The following RALY variants were observed in gnomAD, a reference collection of about 807,000 sequenced individuals.
The protein encoded by RALY is RNA-binding protein Raly.
In RALY, 15 loss-of-function variants were observed where a neutral mutation model predicts 30.7. The ratio of observed to expected loss-of-function variants is 0.49; its 90% CI spans 0.33 to 0.75. The LOEUF (loss-of-function observed/expected upper bound fraction) is 0.75, where lower values mean the gene tolerates loss of function less well. Ranked by LOEUF, RALY falls within the 30% of genes least tolerant of loss-of-function variation. RALY has a pLI of 0.02. For synonymous variants in RALY, 177 were observed against 170.8 expected, an observed-to-expected ratio of 1.04 and a Z score of -0.28; for missense variants, 339 against 414.3, an observed-to-expected ratio of 0.82 and a Z score of 1.58.
intron 1 of RALY, among the ~76,000 whole-genome samples, chr20:34,023,561 T>G (rs577765074): frequency 4.6e-5 from 7 of 152,178 alleles, no homozygotes; most frequent in Non-Finnish European, 8.8e-5. Flanking sequence ...GGATTTTGAG[T>G]TGGGCTTTAG....
At position 34,005,067 on chromosome 20, in the gene RALY, A is replaced by G. The variant is rs189592639; in HGVS notation, c.-93+10936A>G. Among the ~76,000 whole-genome samples, 386 of 152,254 alleles carry G rather than the reference A, an allele frequency of 2.5e-3. 3 individuals carry two copies. The highest frequency in any genetic ancestry group is 8.5e-3 in the African/African-American group (354 of 41,532). ...GCCCTGCCTCCTTCCAGAGAGCAGC[A>G]TTTTCATGTTAAACATTAGTCAGCT... On this transcript the variant is annotated intron_variant, in intron 1 of 9. Transcript: ENST00000246194.
At chr20:34,043,443 C>G (rs1207343541) in intron 2 of RALY, among the ~76,000 whole-genome samples, 1 of 152,208 alleles carries the variant, frequency 6.6e-6, no homozygotes, top group Non-Finnish European at 1.5e-5. Flanking sequence ...TTTTAATTAT[C>G]AACTCACTTG....
intron 8 of RALY, 114 bp downstream of exon 8, chr20:34,077,359 C>T: frequency 6.5e-7 from 1 of 1,549,708 alleles, no homozygotes; most frequent in Non-Finnish European, 8.7e-7. Context: ...TTCCTGTTCT[C>T]TCCTTCCCAG....
chr20:34,053,558 C>T (rs957288132), intron 2 of RALY, among the ~76,000 whole-genome samples: 2 of 151,688 alleles, frequency 1.3e-5, no homozygotes, highest in African/African-American at 4.8e-5. Context: ...CCACCATGCC[C>T]GGCTAATTTT....
chr20:34,036,808 T>G (rs893338772), intron 2 of RALY, among the ~76,000 whole-genome samples: 5 of 152,204 alleles, frequency 3.3e-5, no homozygotes, highest in African/African-American at 1.2e-4. Context: ...TTGTCTAATT[T>G]GTTGGTAATT....
chr20:34,075,333 G>A (rs1364381543), intron 5 of RALY, among the ~76,000 whole-genome samples: 2 of 152,066 alleles, frequency 1.3e-5, no homozygotes, highest in South Asian at 2.1e-4. Context: ...GTTCTAAAGT[G>A]TGTTTTTAAC....
At chr20:34,047,654 T>C (rs1293789998) in intron 2 of RALY, among the ~76,000 whole-genome samples, 1 of 152,200 alleles carries the variant, frequency 6.6e-6, no homozygotes, top group African/African-American at 2.4e-5. Flanking sequence ...ACTGTAATAA[T>C]TGTGTTCCTT....
chr20:34,022,596 G>A (rs1194521777), intron 1 of RALY, among the ~76,000 whole-genome samples: 3 of 152,066 alleles, frequency 2.0e-5, no homozygotes, highest in East Asian at 1.9e-4. Context: ...GCCACTTGAT[G>A]TCCCTATGTG....
At chr20:34,063,853 C>T (rs1000971641) in intron 2 of RALY, among the ~76,000 whole-genome samples, 6 of 152,044 alleles carry the variant, frequency 3.9e-5, no homozygotes, top group Non-Finnish European at 7.3e-5. Context: ...TAGAGCCTTC[C>T]GTGCTGCTCC....
At position 34,077,634 on chromosome 20, in the gene RALY, G is replaced by T; in HGVS notation, c.876+389G>T. 2 of 327,166 alleles carry T rather than the reference G, an allele frequency of 6.1e-6. 1 individual carries two copies. Among genetic ancestry groups the T allele is most frequent in the South Asian group, 5.4e-5 (2 of 36,698 alleles). 20.3% of individuals were successfully genotyped at this position (327,166 alleles called of 1,614,324 possible). ...TTTTCTAAAAGCCATTGCTGCTTAAGCATGAAGCAAAAGCTGTCTCATAAG... is the reference window on the plus strand; with the variant it reads ...TTTTCTAAAAGCCATTGCTGCTTAATCATGAAGCAAAAGCTGTCTCATAAG... On this transcript the variant is annotated intron_variant, in intron 8 of 9. Coordinates refer to ENST00000246194, the MANE Select transcript of RALY (RefSeq NM_016732.3).
intron 5 of RALY, among the ~76,000 whole-genome samples, chr20:34,075,477 A>G (rs1413792589): frequency 6.6e-6 from 1 of 151,364 alleles, no homozygotes; most frequent in Non-Finnish European, 1.5e-5. Flanking sequence ...CTAGCTGGGG[A>G]TTTGTGCTGC....
chr20:34,078,524 A>G lies in RALY; in HGVS notation c.896A>G (p.Asp299Gly), dbSNP rs762462714. The G allele has an allele frequency of 1.3e-6, 2 of 1,588,322 alleles. No homozygotes were observed. Among genetic ancestry groups the G allele is most frequent in the Non-Finnish European group, 1.7e-6 (2 of 1,167,164 alleles). The change falls in exon 9 of 10, where the codon GAC becomes GGC. Residue 299 changes from aspartate (D) to glycine (G), a missense_variant. Physicochemically the swap from Asp to Gly is moderately conservative, Grantham distance 94. Around this residue, in one of 2 missense-constraint regions of RALY, gnomAD observed 268 missense variants for 280.6 expected, o/e 0.95. Transcript: ENST00000246194. The part of the protein sequence containing the change: ...EEELEHSQDT[D>G]ADDGALQ Reference sequence around the variant, plus strand: ...TATCAGGAACACAGCCAGGACACAGACGCGGATGATGGGGCCTTGCAGTAA... The same window carrying G: ...TATCAGGAACACAGCCAGGACACAGGCGCGGATGATGGGGCCTTGCAGTAA...
chr20:34,061,602 T>TAAGTCTTTTGATTATGAGATTAACC (rs1165130695), intron 2 of RALY, among the ~76,000 whole-genome samples: 3 of 152,218 alleles, frequency 2.0e-5, no homozygotes, highest in Non-Finnish European at 4.4e-5. Flanking sequence ...AAAAATAACC[T>TAAGTCTTTTGATTATGAGATTAACC]AAGTCTTTTG....
At chr20:34,027,817 C>T (rs2032100421) in intron 1 of RALY, among the ~76,000 whole-genome samples, 1 of 152,244 alleles carries the variant, frequency 6.6e-6, no homozygotes, top group African/African-American at 2.4e-5. Context: ...GGGACTCTCC[C>T]ATCCTAACTC....
At position 34,066,369 on chromosome 20, in the gene RALY, C is replaced by T. The variant is rs533870420; in HGVS notation, c.-9-5697C>T. On this transcript the variant is annotated intron_variant, in intron 2 of 9. Transcript: ENST00000246194. The stretch of plus-strand genomic sequence containing the variant: ...TGGCGGGCACCTGTAGTACCAGCTA[C>T]TCAGGAGGCTGAGGCAGAAGAATTG... 3.3e-5 allele frequency among the ~76,000 whole-genome samples: 5 copies of T among 152,218 alleles called. No individual in the cohort carries two copies. The South Asian group carries it at 1.0e-3, about 32-fold the overall frequency.
intron 1 of RALY, chr20:34,014,845 A>T (rs1030791828): frequency 6.6e-6 from 1 of 152,220 alleles, no homozygotes; most frequent in Non-Finnish European, 1.5e-5. Flanking sequence ...AGTACTGTTA[A>T]TATCTGGAAA....
At chr20:33,999,852 G>A (rs895663664) in intron 1 of RALY, among the ~76,000 whole-genome samples, 25 of 151,958 alleles carry the variant, frequency 1.6e-4, no homozygotes, top group Non-Finnish European at 3.4e-4. Flanking sequence ...TCTTTTTCTC[G>A]GGTGGCACGT....
chr20:34,072,501 A>C (rs2033755955), intron 3 of RALY, among the ~76,000 whole-genome samples, 171 bp downstream of exon 3: 1 of 152,234 alleles, frequency 6.6e-6, no homozygotes, highest in South Asian at 2.1e-4. Flanking sequence ...CCCTATAGGG[A>C]AGAATTTTAG....
intron 1 of RALY, among the ~76,000 whole-genome samples, chr20:34,012,114 A>G (rs898099581): frequency 2.0e-5 from 3 of 151,188 alleles, no homozygotes; most frequent in Admixed American, 2.0e-4. Context: ...GGTCCTGGGC[A>G]GGCCCCGCTT....
Sources: allele counts gnomAD v4.1 joint callset (sites outside exome capture counted in the v4.1 genomes callset), GRCh38; gene constraint gnomAD v4.1.1; regional missense constraint gnomAD v4.1.1; transcripts MANE v1.5; gene names NCBI Gene and HGNC (gene_info 2026-07-23, HGNC 2026-07-21).